CFAP221: variants seen among roughly 807,000 people sequenced by gnomAD.
CFAP221 encodes the protein cilia and flagella associated protein 221, also known as cilia- and flagella-associated protein 221.
In CFAP221, 97 loss-of-function variants were observed where a neutral mutation model predicts 113.1. The observed-to-expected ratio is 0.86, with a 90% CI of 0.73 to 1.02. The LOEUF (loss-of-function observed/expected upper bound fraction) is 1.02, where lower values mean the gene tolerates loss of function less well. Ranked by LOEUF, CFAP221 falls within the 50% of genes least tolerant of loss-of-function variation. The pLI is 0.00. For synonymous variants in CFAP221, 331 were observed against 354.4 expected (o/e 0.93, Z 0.74); for missense variants, 1,025 against 1,013.4 (o/e 1.01, Z -0.16).
At position 119,656,447 on chromosome 2, in the gene CFAP221, A is replaced by G. The variant is rs190721155; in HGVS notation, c.2500A>G (p.Asn834Asp). 1.6e-4 allele frequency: 266 copies of G among 1,613,824 alleles called. 1 individual carries two copies. In the East Asian group the frequency reaches 4.0e-3, roughly 24 times the overall value. Residue 834 changes from asparagine (N) to aspartate (D), a missense_variant, in exon 24 of 24, where the codon AAC (asparagine) becomes GAC (aspartate). Asn to Asp is a conservative substitution (Grantham distance 23). Transcript: ENST00000413369. Reference protein sequence around the residue: ...EMRNLRGKALNTYLILE With the variant: ...EMRNLRGKALDTYLILE ...GAGGAACCTGCGGGGCAAAGCACTC[A>G]ACACATACCTGATTCTAGAATGAAA...
At chr2:119,569,121 T>C (rs1558921202) in intron 6 of CFAP221, among the ~76,000 whole-genome samples, 2 of 151,854 alleles carry the variant, frequency 1.3e-5, no homozygotes, top group Admixed American at 1.3e-4. Flanking sequence ...CTCTGACTTC[T>C]TTCAATTTAT....
intron 21 of CFAP221, among the ~76,000 whole-genome samples, chr2:119,645,000 C>CG (rs1687714206): frequency 7.5e-6 from 1 of 132,484 alleles, no homozygotes; most frequent in African/African-American, 2.8e-5. Context: ...GGTCCCCCCC[C>CG]CCACCCCCTC....
chr2:119,608,495 TCCCCAG>T lies in CFAP221; in HGVS notation c.1134-6_1134-1del. ...TTCTGGACACAGTTTTTTTTTTTTC[TCCCCAG>T]GCAGGTGCACCTTGGTAAAGATCCT... On this transcript the variant is annotated splice_acceptor_variant and splice_polypyrimidine_tract_variant and intron_variant, in intron 11 of 23. Transcript: ENST00000413369. LOFTEE classifies it high-confidence loss of function. The T allele has an allele frequency of 1.3e-6, 2 of 1,553,988 alleles. No homozygotes were observed. The highest frequency in any genetic ancestry group is 1.9e-5 in the Admixed American group (1 of 51,720).
At chr2:119,656,889 T>A (rs985978406), downstream of CFAP221, among the ~76,000 whole-genome samples, 1 of 152,032 alleles carries the variant, frequency 6.6e-6, no homozygotes, top group Non-Finnish European at 1.5e-5. Context: ...AATACTGGTA[T>A]GAATGCTGGC....
rs752507429 is a variant in CFAP221 at position 119,627,567 on chromosome 2, A to G, written c.1517-86A>G. On this transcript the variant is annotated intron_variant, in intron 15 of 23. Coordinates refer to ENST00000413369, the MANE Select transcript of CFAP221 (RefSeq NM_001271049.2). ...TATACACACCCACCCACTAATTGGT[A>G]TATGGAAAATATGCAAATATATATG... 4.1e-5 allele frequency: 53 copies of G among 1,302,386 alleles called. 1 individual carries two copies. The South Asian group carries it at 4.1e-4, about 10-fold the overall frequency. The allele number at this position is 1,302,386 out of a possible 1,614,324, so 80.7% of individuals were successfully genotyped here.
At chr2:119,550,526 C>T (rs1449493665) in intron 3 of CFAP221, among the ~76,000 whole-genome samples, 1 of 152,180 alleles carries the variant, frequency 6.6e-6, no homozygotes, top group African/African-American at 2.4e-5. Flanking sequence ...GGTCACATTT[C>T]TTACAACACA....
intron 21 of CFAP221, among the ~76,000 whole-genome samples, chr2:119,642,507 C>A (rs1009977428): frequency 6.3e-5 from 9 of 142,940 alleles, no homozygotes; most frequent in Non-Finnish European, 1.4e-4. Context: ...CCAAACATGG[C>A]AGAAAGGGGA....
chr2:119,643,161 AT>A (rs1687599646), intron 21 of CFAP221, among the ~76,000 whole-genome samples: 1 of 152,202 alleles, frequency 6.6e-6, no homozygotes, highest in Non-Finnish European at 1.5e-5. Context: ...CTATAAATCC[AT>A]TAATGATATT....
At chr2:119,545,051 A>AGAGGGGAGGG in intron 1 of CFAP221, 1 of 144,842 alleles carries the variant, frequency 6.9e-6, no homozygotes, top group South Asian at 2.4e-4. Context: ...GGAGGGGAGA[A>AGAGGGGAGGG]GAGGGGAGGG....
intron 6 of CFAP221, chr2:119,580,432 C>T (rs1001478250): frequency 3.3e-5 from 5 of 152,298 alleles, no homozygotes; most frequent in East Asian, 3.9e-4. Flanking sequence ...TACAGCTACG[C>T]TCCTCTCAAA....
chr2:119,639,045 C>G (rs980175199), intron 20 of CFAP221, among the ~76,000 whole-genome samples: 2 of 152,078 alleles, frequency 1.3e-5, no homozygotes, highest in African/African-American at 4.8e-5. Context: ...TTCCCTCCTT[C>G]TCCCCCATTC....
intron 7 of CFAP221, among the ~76,000 whole-genome samples, chr2:119,597,084 A>G (rs1329056831): frequency 1.3e-5 from 2 of 152,252 alleles, no homozygotes; most frequent in Non-Finnish European, 1.5e-5. Context: ...AATTTAATAC[A>G]CAATAAATTG....
At chr2:119,578,225 C>T (rs1288070981) in intron 6 of CFAP221, among the ~76,000 whole-genome samples, 1 of 152,206 alleles carries the variant, frequency 6.6e-6, no homozygotes, top group African/African-American at 2.4e-5. Flanking sequence ...GGTACAGCAT[C>T]ATTTCCACTG....
At chr2:119,584,868 A>G (rs1318036330) in intron 6 of CFAP221, among the ~76,000 whole-genome samples, 6 of 152,226 alleles carry the variant, frequency 3.9e-5, no homozygotes, top group Non-Finnish European at 8.8e-5. Flanking sequence ...AAGGGCTTTG[A>G]AAAATATTTT....
intron 3 of CFAP221, 113 bp from the exon 4 acceptor site, chr2:119,559,576 A>T: frequency 2.4e-6 from 2 of 846,222 alleles, no homozygotes; most frequent in Non-Finnish European, 3.7e-6. Flanking sequence ...TTGAAAAGTT[A>T]AATATAGGAT....
chr2:119,552,012 G>C (rs1041805254), intron 3 of CFAP221, among the ~76,000 whole-genome samples: 2 of 152,062 alleles, frequency 1.3e-5, no homozygotes, highest in African/African-American at 4.8e-5. Flanking sequence ...GCTTGCTAAG[G>C]GTCCTGTAGT....
intron 6 of CFAP221, chr2:119,580,078 G>A (rs1008149141): frequency 1.3e-5 from 2 of 152,182 alleles, no homozygotes; most frequent in African/African-American, 4.8e-5. Context: ...AACTTGTAAT[G>A]TTAGTTTTAT....
At chr2:119,587,055 C>T in intron 6 of CFAP221, 64 bp from the exon 7 acceptor site, 1 of 1,239,396 alleles carries the variant, frequency 8.1e-7, no homozygotes, top group Non-Finnish European at 1.1e-6. Context: ...CCATTCCTTG[C>T]TACCAAAAGA....
intron 16 of CFAP221, among the ~76,000 whole-genome samples, 191 bp from the exon 17 acceptor site, chr2:119,629,684 T>A (rs1250307378): frequency 1.3e-5 from 2 of 152,098 alleles, no homozygotes; most frequent in African/African-American, 4.8e-5. Flanking sequence ...TCACATCCAC[T>A]AGGAGACATG....
Sources: gnomAD v4.1 joint callset for allele counts (sites outside exome capture counted in the v4.1 genomes callset) on GRCh38, gnomAD v4.1.1 for gene constraint, MANE v1.5 for transcripts, NCBI Gene and HGNC (gene_info 2026-07-23, HGNC 2026-07-21) for gene names.